Variants in PUS7 observed in about 807,000 individuals in gnomAD.
PUS7 encodes the protein pseudouridylate synthase 7 homolog.
A neutral mutation model predicts 79.8 loss-of-function variants in PUS7; 48 were observed. The observed-to-expected ratio is 0.60, with a 90% CI of 0.48 to 0.76. The LOEUF (loss-of-function observed/expected upper bound fraction) is 0.76. Among genes scored for constraint, PUS7 ranks in the 30% least tolerant of loss-of-function variants. The pLI is 0.00. For missense variants in PUS7, 729 were observed against 797.6 expected (o/e 0.91, Z 1.04); for synonymous variants, 286 against 272.2 (o/e 1.05, Z -0.50).
chr7:105,511,467 G>A lies in PUS7; in HGVS notation c.-32-2923C>T, dbSNP rs112695542. Among the ~76,000 whole-genome samples, 944 of 151,220 alleles carry A rather than the reference G, an allele frequency of 6.2e-3. 15 individuals are homozygous for A. The highest frequency in any genetic ancestry group is 0.021 in the African/African-American group (881 of 41,348). On this transcript the variant is annotated intron_variant, in intron 1 of 15. Coordinates refer to ENST00000469408, the MANE Select transcript of PUS7 (RefSeq NM_019042.5). ...TAAAAAAAAAAAAAAAAAGTGGTTG[G>A]GTACTGTGGCTCAGGCCAGGCGCAT...
intron 13 of PUS7, among the ~76,000 whole-genome samples, chr7:105,464,402 T>C (rs1362781518): frequency 2.0e-5 from 3 of 152,172 alleles, no homozygotes; most frequent in Admixed American, 1.3e-4. Flanking sequence ...AGGGTGTTTC[T>C]AGAGAAGACT....
intron 9 of PUS7, among the ~76,000 whole-genome samples, chr7:105,476,944 T>A (rs1436804477): frequency 2.6e-5 from 4 of 152,236 alleles, no homozygotes; most frequent in Admixed American, 6.5e-5. Context: ...CTTTGGTTGT[T>A]GTTGAGTTGT....
intron 7 of PUS7, among the ~76,000 whole-genome samples, chr7:105,484,855 A>ATTT (rs1172322541): frequency 2.6e-5 from 3 of 116,852 alleles, no homozygotes; most frequent in African/African-American, 6.4e-5. Flanking sequence ...CCAGTCAGAG[A>ATTT]TTTTTTTTTT....
At chr7:105,471,978 TG>T (rs1236781553) in intron 10 of PUS7, among the ~76,000 whole-genome samples, 153 bp downstream of exon 10, 1 of 151,120 alleles carries the variant, frequency 6.6e-6, no homozygotes, top group African/African-American at 2.4e-5. Context: ...ATACAACTGT[TG>T]AAAAATATAA....
At chr7:105,517,453 G>T (rs974532286) in intron 1 of PUS7, among the ~76,000 whole-genome samples, 1 of 152,136 alleles carries the variant, frequency 6.6e-6, no homozygotes, top group African/African-American at 2.4e-5. Flanking sequence ...GAGCCACCAC[G>T]CCTGGCCAAT....
chr7:105,492,492 T>C lies in PUS7; in HGVS notation c.843-875A>G, dbSNP rs1326915984. On this transcript the variant is annotated intron_variant, in intron 6 of 15. Coordinates refer to ENST00000469408, the MANE Select transcript of PUS7 (RefSeq NM_019042.5). ...GGCATGCACCACCACATCTGGCTGA[T>C]TTTTTGTATTTTTTTTTTTTTTTTT... is the stretch of plus-strand genomic sequence containing the variant. Among the ~76,000 whole-genome samples the C allele has an allele frequency of 6.2e-5, 9 of 145,336 alleles. No individual in the cohort carries two copies. The East Asian group carries it at 1.8e-3, about 29-fold the overall frequency.
intron 7 of PUS7, among the ~76,000 whole-genome samples, chr7:105,486,540 G>A (rs1239230302): frequency 1.3e-5 from 2 of 152,146 alleles, no homozygotes; most frequent in South Asian, 4.1e-4. Context: ...CCCAGGGATT[G>A]TATCCCAAGG....
At chr7:105,512,383 C>T (rs1209930150) in intron 1 of PUS7, among the ~76,000 whole-genome samples, 1 of 152,134 alleles carries the variant, frequency 6.6e-6, no homozygotes, top group Non-Finnish European at 1.5e-5. Context: ...CAAAACTACC[C>T]TCAGAGGTTT....
chr7:105,467,750 C>T (rs769308079), intron 12 of PUS7, among the ~76,000 whole-genome samples: 6 of 151,606 alleles, frequency 4.0e-5, no homozygotes, highest in Admixed American at 2.0e-4. Context: ...TTACTCAGGC[C>T]GGGCACAGTG....
At chr7:105,468,561 A>G in intron 11 of PUS7, 98 bp from the exon 12 acceptor site, 5 of 1,133,920 alleles carry the variant, frequency 4.4e-6, no homozygotes, top group Non-Finnish European at 4.9e-6. Context: ...TCTCTTGCCC[A>G]GGCTGGAGTG....
intron 7 of PUS7, among the ~76,000 whole-genome samples, chr7:105,488,280 C>T (rs1824636203): frequency 6.6e-6 from 1 of 152,028 alleles, no homozygotes; most frequent in African/African-American, 2.4e-5. Flanking sequence ...TTTTTTGACC[C>T]TCAAATTAGC....
rs61741425 is a variant in PUS7, at chr7:105,508,146, G to A, written c.367C>T (p.His123Tyr). 0.017 allele frequency: 27,315 copies of A among 1,613,962 alleles called. 296 individuals carry two copies. Among genetic ancestry groups the A allele is most frequent in the Middle Eastern group, 0.037 (222 of 6,062 alleles). The change falls in exon 2 of 16, where the codon CAT becomes TAT. Residue 123 changes from histidine to tyrosine, a missense_variant. Coordinates refer to ENST00000469408, the MANE Select transcript of PUS7 (RefSeq NM_019042.5). ...DVGITKFVSS[H>Y]QGFSGILKER... is the part of the protein sequence containing the mutation. ...TTTAAGATTCCCGAGAACCCTTGAT[G>A]AGAACTCACAAACTTGGTGATGCCT...
chr7:105,460,194 T>G (rs976820504), intron 14 of PUS7, among the ~76,000 whole-genome samples: 7 of 152,068 alleles, frequency 4.6e-5, no homozygotes, highest in African/African-American at 1.7e-4. Context: ...CGCCTCGGCC[T>G]CCCAAAGTGC....
chr7:105,467,955 T>C (rs917673225), intron 12 of PUS7, among the ~76,000 whole-genome samples: 14 of 152,064 alleles, frequency 9.2e-5, no homozygotes, highest in African/African-American at 2.9e-4. Flanking sequence ...TTTTTTGAGA[T>C]GGCATCTCAC....
chr7:105,514,602 T>A (rs1825822982), intron 1 of PUS7, among the ~76,000 whole-genome samples: 1 of 147,230 alleles, frequency 6.8e-6, no homozygotes, highest in African/African-American at 2.5e-5. Context: ...AGACTCCATC[T>A]CAAAAAAAAG....
intron 1 of PUS7, among the ~76,000 whole-genome samples, chr7:105,515,767 G>A (rs1453467945): frequency 1.0e-5 from 1 of 99,472 alleles, no homozygotes; most frequent in Non-Finnish European, 2.1e-5. Flanking sequence ...AGCTGGGCCC[G>A]ACTAAGTTTT....
chr7:105,462,655 G>T lies in PUS7; in HGVS notation c.1723C>A (p.Arg575=). The T allele has an allele frequency of 1.2e-6, 2 of 1,613,710 alleles. No homozygotes were observed. Among genetic ancestry groups the T allele is most frequent in the Non-Finnish European group, 8.5e-7 (1 of 1,179,882 alleles). Reference sequence around the variant, plus strand: ...TTCTGAGGACGAATAATGATCTTTCGGTAGGCCCCTGACAAGGAATAATCT... The same window carrying T: ...TTCTGAGGACGAATAATGATCTTTCTGTAGGCCCCTGACAAGGAATAATCT... ...IRDYSLSGAY[R]KIIIRPQNVS... The change falls in exon 14 of 16, where the codon CGA becomes AGA. Residue 575 remains arginine (R), a synonymous_variant. Coordinates refer to ENST00000469408, the MANE Select transcript of PUS7 (RefSeq NM_019042.5).
chr7:105,506,145 T>TA (rs1825447001), intron 3 of PUS7, 44 bp downstream of exon 3: 1 of 1,134,740 alleles, frequency 8.8e-7, no homozygotes, highest in African/African-American at 3.5e-5. Flanking sequence ...TAGGAAATGC[T>TA]ATTTTTATAC....
intron 13 of PUS7, among the ~76,000 whole-genome samples, chr7:105,463,478 A>T (rs1823516578): frequency 6.6e-6 from 1 of 152,136 alleles, no homozygotes; most frequent in African/African-American, 2.4e-5. Context: ...TTTCCCACCA[A>T]ACCTTTTATC....
Sources: allele counts gnomAD v4.1 joint callset (sites outside exome capture counted in the v4.1 genomes callset), GRCh38; gene constraint gnomAD v4.1.1; transcripts MANE v1.5; gene names NCBI Gene and HGNC (gene_info 2026-07-23, HGNC 2026-07-21).